PDZRN3: variants seen among roughly 807,000 people sequenced by gnomAD.
PDZRN3 encodes PDZ domain containing ring finger 3, also known as E3 ubiquitin-protein ligase PDZRN3.
Under a neutral mutation model 85.7 loss-of-function variants are expected in PDZRN3, and 38 were observed. That is an observed-to-expected ratio of 0.44 (90% CI 0.34 to 0.58). The LOEUF (loss-of-function observed/expected upper bound fraction) is 0.58. Among genes scored for constraint, PDZRN3 ranks in the 20% least tolerant of loss-of-function variants. PDZRN3 has a pLI of 0.01. For synonymous variants in PDZRN3, 759 were observed against 638.0 expected (o/e 1.19, Z -2.86); for missense variants, 1,629 against 1,506.4 (o/e 1.08, Z -1.35).
intron 3 of PDZRN3, among the ~76,000 whole-genome samples, chr3:73,437,098 G>A (rs1342327594): frequency 6.9e-6 from 1 of 144,474 alleles, no homozygotes; most frequent in Non-Finnish European, 1.5e-5. Context: ...TTGTTTATAT[G>A]GGTTATATTA....
chr3:73,414,908 C>T (rs1488434872), intron 3 of PDZRN3, among the ~76,000 whole-genome samples: 1 of 152,188 alleles, frequency 6.6e-6, no homozygotes, highest in Non-Finnish European at 1.5e-5. Context: ...CACTTTATTG[C>T]AGGAATCATC....
At chr3:73,474,501 C>A (rs769324148) in intron 3 of PDZRN3, 7 of 1,288,586 alleles carry the variant, frequency 5.4e-6, no homozygotes, top group Middle Eastern at 2.1e-4. Context: ...AGTAAATTTA[C>A]TGAACAATAA....
At chr3:73,561,309 C>T (rs571519842) in intron 3 of PDZRN3, 3 of 152,226 alleles carry the variant, frequency 2.0e-5, no homozygotes, top group Non-Finnish European at 2.9e-5. Flanking sequence ...GGGCTCACCC[C>T]CTCTTAGACA....
At chr3:73,586,464 AT>A (rs1337686228) in intron 3 of PDZRN3, among the ~76,000 whole-genome samples, 2 of 152,212 alleles carry the variant, frequency 1.3e-5, no homozygotes, top group African/African-American at 4.8e-5. Context: ...ACATTTACTG[AT>A]TGAATACTCT....
rs143228043 is a variant in PDZRN3 at position 73,574,650 on chromosome 3, G to A, written c.918+27704C>T. On this transcript the variant is annotated intron_variant, in intron 3 of 9. Coordinates refer to ENST00000263666, the MANE Select transcript of PDZRN3 (RefSeq NM_015009.3). ...ATTTTTGTACTTTTAGTAGAGATGG[G>A]GTTTCTCCATATTGGTCAGGCCGGT... Among the ~76,000 whole-genome samples the A allele has an allele frequency of 2.9e-3, 439 of 152,202 alleles. 1 individual carries two copies. Among genetic ancestry groups the A allele is most frequent in the African/African-American group, 9.4e-3 (389 of 41,520 alleles).
At chr3:73,397,446 T>A (rs564243806) in intron 5 of PDZRN3, among the ~76,000 whole-genome samples, 1 of 152,226 alleles carries the variant, frequency 6.6e-6, no homozygotes, top group Non-Finnish European at 1.5e-5. Flanking sequence ...AGACTGCGAC[T>A]GTTCTAAGAA....
intron 3 of PDZRN3, among the ~76,000 whole-genome samples, chr3:73,585,610 C>A (rs1365132629): frequency 6.6e-6 from 1 of 152,160 alleles, no homozygotes; most frequent in Non-Finnish European, 1.5e-5. Context: ...TATTGCTTCA[C>A]TGAGAATTCA....
Position 73,402,941 on chromosome 3 carries a change from C to CTTTTTTTTT in PDZRN3, c.1166+1198_1166+1206dup, listed in dbSNP as rs140037400. Among the ~76,000 whole-genome samples, 500 of 115,596 alleles carry CTTTTTTTTT rather than the reference C, an allele frequency of 4.3e-3. 21 individuals are homozygous for CTTTTTTTTT. Among genetic ancestry groups the CTTTTTTTTT allele is most frequent in the African/African-American group, 0.015 (411 of 26,708 alleles). The allele number at this position is 115,596 out of a possible 152,430, so 75.8% of individuals were successfully genotyped here. ...GATGTGCAAAGTCACACATGAAAAG[C>CTTTTTTTTT]TTTTTTTTTTTTTTTTTTTTGAGAC... On this transcript the variant is annotated intron_variant, in intron 4 of 9. Coordinates refer to ENST00000263666, the MANE Select transcript of PDZRN3 (RefSeq NM_015009.3).
chr3:73,489,090 T>C (rs944260177), intron 3 of PDZRN3, among the ~76,000 whole-genome samples: 1 of 151,686 alleles, frequency 6.6e-6, no homozygotes, highest in Non-Finnish European at 1.5e-5. Flanking sequence ...CCTGGCTTGA[T>C]TTCCCCAGCC....
chr3:73,435,228 C>A (rs1395690180), intron 3 of PDZRN3, among the ~76,000 whole-genome samples: 1 of 152,138 alleles, frequency 6.6e-6, no homozygotes, highest in African/African-American at 2.4e-5. Flanking sequence ...TTCTCAGACA[C>A]CGAAGACGAG....
At chr3:73,452,906 C>G (rs553896444) in intron 3 of PDZRN3, among the ~76,000 whole-genome samples, 27 of 139,246 alleles carry the variant, frequency 1.9e-4, no homozygotes, top group Middle Eastern at 4.1e-3. Flanking sequence ...TTAACTTGTT[C>G]TTCTGCATAA....
At chr3:73,387,554 T>A (rs1432503648) in intron 8 of PDZRN3, among the ~76,000 whole-genome samples, 1 of 152,246 alleles carries the variant, frequency 6.6e-6, no homozygotes, top group Non-Finnish European at 1.5e-5. Flanking sequence ...TAATTATTTA[T>A]CATTCAATGT....
In PDZRN3 at chr3:73,569,740, G is replaced by A. The variant is rs550172471; in HGVS notation, c.918+32614C>T. 2.8e-3 allele frequency among the ~76,000 whole-genome samples: 425 copies of A among 152,324 alleles called. 2 individuals are homozygous for A. The highest frequency in any genetic ancestry group is 4.7e-3 in the Non-Finnish European group (322 of 68,026). ...CCTACCCCTGGCCAAAGGTCCAGGCGCTGGGCTGGACTAGGGCTGGCAGTG... is the reference window on the plus strand; with the variant it reads ...CCTACCCCTGGCCAAAGGTCCAGGCACTGGGCTGGACTAGGGCTGGCAGTG... On this transcript the variant is annotated intron_variant, in intron 3 of 9. Coordinates refer to ENST00000263666, the MANE Select transcript of PDZRN3 (RefSeq NM_015009.3).
intron 3 of PDZRN3, among the ~76,000 whole-genome samples, chr3:73,411,754 T>C (rs1027133052): frequency 6.6e-6 from 1 of 152,204 alleles, no homozygotes; most frequent in African/African-American, 2.4e-5. Flanking sequence ...GAACAGTCCA[T>C]GAAAGTCGCT....
chr3:73,504,281 T>A (rs1348557811), intron 3 of PDZRN3, among the ~76,000 whole-genome samples: 2 of 152,132 alleles, frequency 1.3e-5, no homozygotes, highest in Non-Finnish European at 2.9e-5. Context: ...TGATAATGGG[T>A]CATTAATTGA....
intron 8 of PDZRN3, among the ~76,000 whole-genome samples, chr3:73,386,503 T>G (rs1396912465): frequency 6.6e-6 from 1 of 152,172 alleles, no homozygotes; most frequent in Non-Finnish European, 1.5e-5. Context: ...TGGATATCAC[T>G]TTTAAGAGGC....
chr3:73,537,448 C>T (rs1704814157), intron 3 of PDZRN3, among the ~76,000 whole-genome samples: 1 of 152,162 alleles, frequency 6.6e-6, no homozygotes, highest in Non-Finnish European at 1.5e-5. Context: ...GACCAGGTGG[C>T]TTAAACCTGT....
At position 73,383,841 on chromosome 3, in the gene PDZRN3, G is replaced by T; in HGVS notation, c.2725C>A (p.Leu909Met). The T allele has an allele frequency of 6.2e-7, 1 of 1,613,876 alleles. No homozygotes were observed. Among genetic ancestry groups the T allele is most frequent in the Non-Finnish European group, 8.5e-7 (1 of 1,180,014 alleles). ...QMSLVSMCKD[L>M]SSPTPSEPRM... ...GGCTCCGACGGGGTGGGAGAGCTCA[G>T]GTCCTTGCACATGCTCACCAGGCTC... Residue 909 changes from leucine to methionine, a missense_variant, in exon 10 of 10, where the codon CTG (leucine) becomes ATG (methionine). By Grantham distance (15) the Leu-to-Met change is conservative. Transcript: ENST00000263666.
intron 3 of PDZRN3, among the ~76,000 whole-genome samples, chr3:73,461,411 GAC>G (rs1258492715): frequency 4.6e-5 from 7 of 152,166 alleles, no homozygotes; most frequent in African/African-American, 1.7e-4. Context: ...GAATCATTTG[GAC>G]ATGTCTCCCA....
Sources: gnomAD v4.1 joint callset for allele counts (sites outside exome capture counted in the v4.1 genomes callset) on GRCh38, gnomAD v4.1.1 for gene constraint, MANE v1.5 for transcripts, NCBI Gene and HGNC (gene_info 2026-07-23, HGNC 2026-07-21) for gene names.